TMEM175: variants seen among roughly 807,000 people sequenced by gnomAD.
TMEM175 encodes endosomal/lysosomal proton channel TMEM175.
A neutral mutation model predicts 36.5 loss-of-function variants in TMEM175; 36 were observed. That is an observed-to-expected ratio of 0.99 (90% CI 0.76 to 1.30). TMEM175 has a LOEUF of 1.30. TMEM175 is among the 50% of genes most tolerant of loss of function. TMEM175 has a pLI of 0.00. For missense variants in TMEM175, 705 were observed against 692.8 expected, an observed-to-expected ratio of 1.02 and a Z score of -0.20; for synonymous variants, 339 against 313.4, an observed-to-expected ratio of 1.08 and a Z score of -0.86.
intron 6 of TMEM175, 163 bp downstream of exon 6, chr4:951,880 T>C (rs976834739): frequency 2.7e-6 from 2 of 750,340 alleles, no homozygotes; most frequent in African/African-American, 1.8e-5. Context: ...TGTTGGGGGC[T>C]TCTTTCAGGC....
Position 958,312 on chromosome 4 carries a change from G to A in TMEM175, c.1331G>A (p.Ser444Asn), listed in dbSNP as rs777276132. 6.2e-7 allele frequency: 1 copy of A among 1,605,738 alleles called. No individual in the cohort carries two copies. The highest frequency in any genetic ancestry group is 8.5e-7 in the Non-Finnish European group (1 of 1,179,832). Residue 444 changes from serine to asparagine, a missense_variant, in exon 11 of 11, where the codon AGT (serine) becomes AAT (asparagine). Physicochemically the swap from Ser to Asn is conservative, Grantham distance 46. Coordinates refer to ENST00000264771, the MANE Select transcript of TMEM175 (RefSeq NM_032326.4). ...FASTCLLSRF[S>N]VGIFHLMQIA... ...TCCACCTGCCTGCTGAGCAGGTTCA[G>A]TGTGGGCATCTTCCACCTCATGCAG... is the stretch of plus-strand genomic sequence containing the variant.
At chr4:956,342 G>A (rs1212842127) in intron 10 of TMEM175, 2 of 1,289,700 alleles carry the variant, frequency 1.6e-6, no homozygotes, top group East Asian at 1.1e-4. Context: ...TTGGCTGGCT[G>A]TTGCTTCCTT....
At chr4:943,302 A>C (rs1243377949) in intron 1 of TMEM175, among the ~76,000 whole-genome samples, 1 of 152,192 alleles carries the variant, frequency 6.6e-6, no homozygotes, top group African/African-American at 2.4e-5. Flanking sequence ...CCCAGCCTGG[A>C]GTGCAGTGGC....
Position 958,618 on chromosome 4 carries a change from T to A in TMEM175, c.*122T>A. 2 of 786,684 alleles carry A rather than the reference T, an allele frequency of 2.5e-6. No homozygotes were observed. The highest frequency in any genetic ancestry group is 3.9e-6 in the Non-Finnish European group (2 of 512,414). 48.7% of individuals were successfully genotyped at this position (786,684 alleles called of 1,614,324 possible). A position where few individuals can be genotyped will look rare whatever the true frequency, so the allele number is the denominator to read the frequency against. On this transcript the variant is annotated 3_prime_UTR_variant, in exon 11 of 11. Transcript: ENST00000264771. ...GGTTCTTGCGTGGCCTGGTTTTATT[T>A]TCATTGTGAAATATCATGCTCTTAT...
At position 958,362 on chromosome 4, in the gene TMEM175, T is replaced by G; in HGVS notation, c.1381T>G (p.Leu461Val). 4 of 1,603,432 alleles carry G rather than the reference T, an allele frequency of 2.5e-6. No homozygotes were observed. The highest frequency in any genetic ancestry group is 3.4e-6 in the Non-Finnish European group (4 of 1,179,760). Reference sequence around the variant, plus strand: ...GATCGCCGTGCCCTGCGCCTTCCTGTTGCTGCGCCTGCTCGTGGGCCTGGC... The same window carrying G: ...GATCGCCGTGCCCTGCGCCTTCCTGGTGCTGCGCCTGCTCGTGGGCCTGGC... The part of the protein sequence containing the change: ...MQIAVPCAFL[L>V]LRLLVGLALA... Residue 461 changes from leucine (L) to valine (V), a missense_variant, in exon 11 of 11, where the codon TTG (leucine) becomes GTG (valine). By Grantham distance (32) the Leu-to-Val change is conservative. Transcript: ENST00000264771.
intron 10 of TMEM175, chr4:956,942 A>C (rs535136944): frequency 4.4e-4 from 71 of 162,982 alleles, no homozygotes; most frequent in Non-Finnish European, 8.6e-4. Context: ...GCAAACGTTC[A>C]TTGGCATCTG....
chr4:936,110 A>G lies in TMEM175; in HGVS notation c.-32+3570A>G, dbSNP rs191552557. ...CTCACTTTGGCAGGCTGAGGTGGGC[A>G]GATCACTTGAGGTCGGAAGTTTAAG... On this transcript the variant is annotated intron_variant, in intron 1 of 10. Transcript: ENST00000264771. Among the ~76,000 whole-genome samples, 69 of 152,248 alleles carry G rather than the reference A, an allele frequency of 4.5e-4. 1 individual carries two copies. Among genetic ancestry groups the G allele is most frequent in the Non-Finnish European group, 7.1e-4 (48 of 68,008 alleles).
chr4:939,539 A>T (rs1179735272), intron 1 of TMEM175, among the ~76,000 whole-genome samples: 1 of 152,172 alleles, frequency 6.6e-6, no homozygotes, highest in African/African-American at 2.4e-5. Flanking sequence ...AACATGGTGA[A>T]ACCTCATCTC....
Position 943,699 on chromosome 4 carries a change from C to A in TMEM175, c.-31-4010C>A, listed in dbSNP as rs189138094. ...AGGAAGGAAACATGTCCTTACAATA[C>A]GACCCAGCAAAACCACTCAAAGGCA... is the stretch of plus-strand genomic sequence containing the variant. On this transcript the variant is annotated intron_variant, in intron 1 of 10. Coordinates refer to ENST00000264771, the MANE Select transcript of TMEM175 (RefSeq NM_032326.4). 2.9e-3 allele frequency among the ~76,000 whole-genome samples: 449 copies of A among 152,296 alleles called. 5 individuals carry two copies. The highest frequency in any genetic ancestry group is 4.7e-3 in the Non-Finnish European group (317 of 68,042).
chr4:955,352 C>G lies in TMEM175; in HGVS notation c.628-53C>G. 9 of 1,433,938 alleles carry G rather than the reference C, an allele frequency of 6.3e-6. No homozygotes were observed. In the South Asian group the frequency reaches 9.2e-5, roughly 15 times the overall value. 88.8% of individuals were successfully genotyped at this position (1,433,938 alleles called of 1,614,324 possible). On this transcript the variant is annotated intron_variant, in intron 8 of 10. Transcript: ENST00000264771. ...GGCACACAGCTTTGTGTGGGTAAGG[C>G]CTGGCCTCGGACCCCTGTGGAGGGC...
intron 2 of TMEM175, 95 bp downstream of exon 2, chr4:947,987 C>T (rs1159057288): frequency 6.2e-7 from 1 of 1,610,946 alleles, no homozygotes; most frequent in Non-Finnish European, 8.5e-7. Context: ...TGCCAGCATC[C>T]TTGGGTCCCC....
At chr4:940,697 T>C (rs1727340013) in intron 1 of TMEM175, among the ~76,000 whole-genome samples, 1 of 151,944 alleles carries the variant, frequency 6.6e-6, no homozygotes, top group African/African-American at 2.4e-5. Flanking sequence ...GCCACACCAA[T>C]GTAAGATGTT....
chr4:947,987 C>A (rs1159057288), intron 2 of TMEM175, 95 bp downstream of exon 2: 11 of 1,610,946 alleles, frequency 6.8e-6, no homozygotes, highest in Non-Finnish European at 9.3e-6. Context: ...TGCCAGCATC[C>A]TTGGGTCCCC....
intron 1 of TMEM175, among the ~76,000 whole-genome samples, chr4:934,717 G>T (rs141462488): frequency 4.1e-4 from 63 of 152,320 alleles, no homozygotes; most frequent in South Asian, 6.2e-4. Context: ...GCCTAAAGCG[G>T]ATGGAAGGGA....
At chr4:934,897 A>C (rs1163925912) in intron 1 of TMEM175, among the ~76,000 whole-genome samples, 1 of 152,232 alleles carries the variant, frequency 6.6e-6, no homozygotes, top group African/African-American at 2.4e-5. Context: ...CTGCAGTTGT[A>C]GGTGACCTTA....
chr4:953,201 G>C lies in TMEM175; in HGVS notation c.474G>C (p.Val158=). 6.2e-7 allele frequency: 1 copy of C among 1,609,576 alleles called. No individual in the cohort carries two copies. The highest frequency in any genetic ancestry group is 8.5e-7 in the Non-Finnish European group (1 of 1,177,264). Residue 158 remains valine (V), a synonymous_variant, in exon 8 of 11, where the codon GTG becomes GTC. Coordinates refer to ENST00000264771, the MANE Select transcript of TMEM175 (RefSeq NM_032326.4). ...TGCTTTTCCCGCAGGCACTGATTGT[G>C]GGGTACGCATTCCACTTCCCGCACC... ...IAIGVVQALI[V]GYAFHFPHLL...
intron 1 of TMEM175, among the ~76,000 whole-genome samples, chr4:936,420 A>G (rs1345798799): frequency 1.3e-5 from 2 of 152,202 alleles, no homozygotes; most frequent in African/African-American, 2.4e-5. Context: ...AACAAAAGCA[A>G]TAGAGAAAAT....
chr4:957,767 TG>T, intron 10 of TMEM175, 56 bp from the exon 11 acceptor site: 1 of 1,528,686 alleles, frequency 6.5e-7, no homozygotes, highest in East Asian at 2.3e-5. Flanking sequence ...GCCACCCTGC[TG>T]GGGCCTGTGT....
chr4:936,253 G>C (rs926077776), intron 1 of TMEM175, among the ~76,000 whole-genome samples: 5 of 151,166 alleles, frequency 3.3e-5, no homozygotes, highest in African/African-American at 1.2e-4. Flanking sequence ...CCTGAGGCAA[G>C]AGAATTGCTT....
Sources: gnomAD v4.1 joint callset for allele counts (sites outside exome capture counted in the v4.1 genomes callset) on GRCh38, gnomAD v4.1.1 for gene constraint, MANE v1.5 for transcripts, NCBI Gene and HGNC (gene_info 2026-07-23, HGNC 2026-07-21) for gene names.